Variants in ARHGEF3 observed in about 807,000 individuals in gnomAD.
The protein encoded by ARHGEF3 is Rho guanine nucleotide exchange factor 3.
Under a neutral mutation model 63.2 loss-of-function variants are expected in ARHGEF3, and 28 were observed. That is an observed-to-expected ratio of 0.44 (90% confidence interval 0.33 to 0.61). ARHGEF3 has a LOEUF of 0.61. ARHGEF3 is among the 20% of genes least tolerant of loss of function. ARHGEF3 has a pLI of 0.03. For missense variants in ARHGEF3, 533 were observed against 659.3 expected (o/e 0.81, Z 2.10); for synonymous variants, 266 against 254.2 (o/e 1.05, Z -0.44).
At chr3:57,056,694 G>GT (rs1451321077) in intron 1 of ARHGEF3, among the ~76,000 whole-genome samples, 1 of 152,024 alleles carries the variant, frequency 6.6e-6, no homozygotes, top group South Asian at 2.1e-4. Context: ...TTTCTTTTTA[G>GT]TTTTTTGTAG....
intron 2 of ARHGEF3, among the ~76,000 whole-genome samples, chr3:56,985,085 A>ATGATT (rs5849177): frequency 3.9e-5 from 6 of 152,022 alleles, no homozygotes; most frequent in Admixed American, 2.6e-4. Flanking sequence ...ACAGAAACAC[A>ATGATT]TGATTTGATT....
intron 2 of ARHGEF3, among the ~76,000 whole-genome samples, chr3:57,017,480 C>G (rs1703069866): frequency 6.6e-6 from 1 of 152,168 alleles, no homozygotes; most frequent in South Asian, 2.1e-4. Flanking sequence ...CTAAAAGGAG[C>G]GTTTTTCAAA....
intron 1 of ARHGEF3, among the ~76,000 whole-genome samples, chr3:57,046,039 G>A (rs1704437658): frequency 6.6e-6 from 1 of 152,114 alleles, no homozygotes; most frequent in African/African-American, 2.4e-5. Context: ...AAAAAATAAG[G>A]TGAGCTCTCT....
intron 3 of ARHGEF3, chr3:56,898,675 G>C (rs2041395288): frequency 4.5e-6 from 1 of 224,700 alleles, no homozygotes; most frequent in Non-Finnish European, 9.9e-6. Flanking sequence ...AAGAAAAGGA[G>C]GGAAGCCAAT....
chr3:56,882,833 T>A (rs2040815226), intron 3 of ARHGEF3, among the ~76,000 whole-genome samples: 1 of 152,154 alleles, frequency 6.6e-6, no homozygotes, highest in African/African-American at 2.4e-5. Flanking sequence ...TGAACACTTC[T>A]AAGAAAGCCT....
intron 7 of ARHGEF3, among the ~76,000 whole-genome samples, chr3:56,742,204 G>C (rs895815541): frequency 4.0e-5 from 6 of 151,710 alleles, no homozygotes; most frequent in Admixed American, 6.6e-5. Flanking sequence ...TTGAGAAATA[G>C]TGGTGAGGTG....
At chr3:57,027,987 A>G (rs1249196824) in intron 2 of ARHGEF3, among the ~76,000 whole-genome samples, 1 of 152,112 alleles carries the variant, frequency 6.6e-6, no homozygotes, top group Non-Finnish European at 1.5e-5. Context: ...CAAAACCACT[A>G]TGAGATATCA....
At chr3:56,738,796 C>T (rs780297167) in intron 7 of ARHGEF3, among the ~76,000 whole-genome samples, 1 of 152,052 alleles carries the variant, frequency 6.6e-6, no homozygotes, top group Non-Finnish European at 1.5e-5. Context: ...TTGAGGAAAA[C>T]TCAATGACAC....
intron 4 of ARHGEF3, among the ~76,000 whole-genome samples, chr3:56,853,060 T>C (rs949163288): frequency 1.3e-5 from 2 of 152,222 alleles, no homozygotes; most frequent in Admixed American, 6.5e-5. Flanking sequence ...TTTTTAAACT[T>C]TGAATTTGAT....
chr3:56,951,278 AAAAAAAAAGAAAGGAAAG>A (rs1699798737), intron 3 of ARHGEF3, among the ~76,000 whole-genome samples: 1 of 151,732 alleles, frequency 6.6e-6, no homozygotes, highest in Non-Finnish European at 1.5e-5. Context: ...TAAAGTATAA[AAAAAAAAAGAAAGGAAAG>A]AAAAAAAAGA....
At chr3:56,966,485 T>C (rs1190709309) in intron 2 of ARHGEF3, among the ~76,000 whole-genome samples, 2 of 152,198 alleles carry the variant, frequency 1.3e-5, no homozygotes, top group African/African-American at 4.8e-5. Context: ...TAATGCAGAT[T>C]ATAATAACAT....
At chr3:57,028,740 C>A (rs1329825907) in intron 2 of ARHGEF3, among the ~76,000 whole-genome samples, 1 of 116,498 alleles carries the variant, frequency 8.6e-6, no homozygotes, top group Admixed American at 7.9e-5. Flanking sequence ...CCTTTTTCCT[C>A]ATCTGTAAAA....
intron 3 of ARHGEF3, among the ~76,000 whole-genome samples, chr3:56,957,840 T>C (rs111493286): frequency 3.3e-5 from 5 of 152,272 alleles, no homozygotes; most frequent in African/African-American, 1.2e-4. Flanking sequence ...CTCAGAGCAT[T>C]CTCTACAGAT....
chr3:56,885,654 C>T (rs2040899485), intron 3 of ARHGEF3, among the ~76,000 whole-genome samples: 1 of 152,116 alleles, frequency 6.6e-6, no homozygotes, highest in South Asian at 2.1e-4. Flanking sequence ...ATGAGTTCCC[C>T]CAACCCAGTT....
At chr3:56,961,642 G>C (rs1700285343) in intron 2 of ARHGEF3, among the ~76,000 whole-genome samples, 2 of 152,138 alleles carry the variant, frequency 1.3e-5, no homozygotes. Context: ...TGGAGAAGCT[G>C]CCAGGAGACC....
intron 1 of ARHGEF3, among the ~76,000 whole-genome samples, chr3:56,778,065 C>T (rs1245989445): frequency 6.6e-6 from 1 of 152,166 alleles, no homozygotes; most frequent in Non-Finnish European, 1.5e-5. Flanking sequence ...ACCCAGGAAC[C>T]TTCTAGGTGG....
rs1229735846 is a variant in ARHGEF3 at position 56,727,705 on chromosome 3, TA to T, written c.*1564del. 1 of 152,538 alleles carries T rather than the reference TA, an allele frequency of 6.6e-6. No homozygotes were observed. The highest frequency in any genetic ancestry group is 1.5e-5 in the Non-Finnish European group (1 of 68,046). 9.4% of individuals were successfully genotyped at this position (152,538 alleles called of 1,614,324 possible). A position where few individuals can be genotyped will look rare whatever the true frequency, so the allele number is the denominator to read the frequency against. ...CAATAACGACTTGAGAAAGCAGTTT[TA>T]AATAAACTTGTAATAGAAAAAATTC... is the stretch of plus-strand genomic sequence containing the variant. On this transcript the variant is annotated 3_prime_UTR_variant, in exon 10 of 10. Transcript: ENST00000296315.
upstream of ARHGEF3, chr3:56,801,950 G>A: frequency 6.5e-7 from 1 of 1,533,596 alleles, no homozygotes; most frequent in Non-Finnish European, 8.7e-7. Context: ...GGACTCGACT[G>A]GGCTCCGGAG....
At chr3:57,012,276 T>G (rs1467027499) in intron 2 of ARHGEF3, among the ~76,000 whole-genome samples, 1 of 152,220 alleles carries the variant, frequency 6.6e-6, no homozygotes, top group Non-Finnish European at 1.5e-5. Context: ...GTTGTTGTTG[T>G]TTTGAGACAG....
Sources: gnomAD v4.1 joint callset for allele counts (sites outside exome capture counted in the v4.1 genomes callset) on GRCh38, gnomAD v4.1.1 for gene constraint, MANE v1.5 for transcripts, NCBI Gene and HGNC (gene_info 2026-07-23, HGNC 2026-07-21) for gene names.